Variants in PRKAR2A observed in about 807,000 individuals in gnomAD.
PRKAR2A encodes the protein protein kinase cAMP-dependent type II regulatory subunit alpha.
PRKAR2A carries 29 observed loss-of-function variants against 51.9 expected under a neutral mutation model. The observed-to-expected ratio is 0.56, with a 90% CI of 0.42 to 0.76. The LOEUF (loss-of-function observed/expected upper bound fraction) is 0.76, where lower values mean the gene tolerates loss of function less well. PRKAR2A is among the 30% of genes least tolerant of loss of function. The pLI, the probability that PRKAR2A is intolerant of heterozygous loss-of-function variation, is 0.00. For synonymous variants in PRKAR2A, 178 were observed against 186.2 expected (o/e 0.96, Z 0.36); for missense variants, 445 against 512.1 (o/e 0.87, Z 1.26).
At chr3:48,759,447 C>T (rs761235243) in intron 8 of PRKAR2A, among the ~76,000 whole-genome samples, 1 of 149,008 alleles carries the variant, frequency 6.7e-6, no homozygotes, top group Non-Finnish European at 1.5e-5. Flanking sequence ...AGCGCAATGG[C>T]GCGATCTTGG....
At chr3:48,809,248 G>T (rs1299417944) in intron 1 of PRKAR2A, among the ~76,000 whole-genome samples, 1 of 152,068 alleles carries the variant, frequency 6.6e-6, no homozygotes, top group African/African-American at 2.4e-5. Context: ...TTAGATGTGT[G>T]GCTTATGAAC....
rs2081604669 is a variant in PRKAR2A at position 48,748,965 on chromosome 3, G to T, written c.*2620C>A. ...CTTCCTGGAGCTTAAGAAGAAAAGA[G>T]GAATTACCAAGGTTGTGGTGGGTTA... On this transcript the variant is annotated 3_prime_UTR_variant, in exon 11 of 11. Coordinates refer to ENST00000265563, the MANE Select transcript of PRKAR2A (RefSeq NM_004157.4). 1 of 152,242 alleles carries T rather than the reference G, an allele frequency of 6.6e-6. No individual in the cohort carries two copies. The highest frequency in any genetic ancestry group is 2.1e-4 in the South Asian group (1 of 4,830). 9.4% of individuals were successfully genotyped at this position (152,242 alleles called of 1,614,324 possible). A position where few individuals can be genotyped will look rare whatever the true frequency, so the allele number is the denominator to read the frequency against.
Position 48,847,266 on chromosome 3 carries a change from C to A in PRKAR2A, c.262+69G>T. 1 of 1,539,872 alleles carries A rather than the reference C, an allele frequency of 6.5e-7. No individual in the cohort carries two copies. On this transcript the variant is annotated intron_variant, in intron 1 of 10. Transcript: ENST00000265563. The surrounding 1 kb of genome is among the most constrained non-coding windows in gnomAD (Gnocchi z 4.4). Reference sequence around the variant, plus strand: ...GGCTTGGCTGCGGCGCGACACCTGGCTCCCTGCCACCCCTCTAGACCTCTG... The same window carrying A: ...GGCTTGGCTGCGGCGCGACACCTGGATCCCTGCCACCCCTCTAGACCTCTG...
chr3:48,804,304 T>C (rs1057496567), intron 2 of PRKAR2A, among the ~76,000 whole-genome samples: 1 of 151,794 alleles, frequency 6.6e-6, no homozygotes, highest in Non-Finnish European at 1.5e-5. Flanking sequence ...CCACTAAAAA[T>C]ACAAAAATTA....
intron 8 of PRKAR2A, among the ~76,000 whole-genome samples, chr3:48,764,634 G>GT (rs1343167352): frequency 8.0e-5 from 12 of 150,758 alleles, no homozygotes; most frequent in South Asian, 2.1e-4. Flanking sequence ...AGGTTTTTTG[G>GT]TTTTTTTTTG....
chr3:48,817,612 G>A (rs567235325), intron 1 of PRKAR2A, among the ~76,000 whole-genome samples: 21 of 150,690 alleles, frequency 1.4e-4, no homozygotes, highest in Non-Finnish European at 2.2e-4. Flanking sequence ...GCACCATTGC[G>A]CTCCAGCCTG....
intron 1 of PRKAR2A, among the ~76,000 whole-genome samples, chr3:48,833,862 C>T (rs1233306444): frequency 6.6e-6 from 1 of 151,436 alleles, no homozygotes; most frequent in Non-Finnish European, 1.5e-5. Context: ...ATGGTGAAAC[C>T]CCTTCTCTAC....
At chr3:48,841,371 C>A (rs2083378719) in intron 1 of PRKAR2A, among the ~76,000 whole-genome samples, 1 of 150,980 alleles carries the variant, frequency 6.6e-6, no homozygotes, top group South Asian at 2.1e-4. Context: ...TGGTGAAACA[C>A]CATCTCTACT....
In PRKAR2A at chr3:48,825,090, A is replaced by G. The variant is rs926230980; in HGVS notation, c.263-17406T>C. Among the ~76,000 whole-genome samples the G allele has an allele frequency of 2.3e-4, 30 of 128,346 alleles. 1 individual carries two copies. Among genetic ancestry groups the G allele is most frequent in the Non-Finnish European group, 6.3e-5 (4 of 63,984 alleles). 84.2% of individuals were successfully genotyped at this position (128,346 alleles called of 152,430 possible). ...ACTCTTGTTGCCCAGGCTGGAGTGC[A>G]ATGGCGCAATCTCGGCTCACCGTAA... On this transcript the variant is annotated intron_variant, in intron 1 of 10. Transcript: ENST00000265563.
At chr3:48,844,318 A>G (rs943059381) in intron 1 of PRKAR2A, among the ~76,000 whole-genome samples, 1 of 151,770 alleles carries the variant, frequency 6.6e-6, no homozygotes, top group African/African-American at 2.4e-5. Flanking sequence ...AATGGCAATC[A>G]TTAAAAAGTC....
intron 1 of PRKAR2A, among the ~76,000 whole-genome samples, chr3:48,813,769 T>C (rs1436134611): frequency 6.6e-6 from 1 of 152,088 alleles, no homozygotes; most frequent in Non-Finnish European, 1.5e-5. Flanking sequence ...AAATTTTATA[T>C]AATTTAGGTA....
intron 2 of PRKAR2A, among the ~76,000 whole-genome samples, chr3:48,795,826 C>T (rs906251346): frequency 3.9e-5 from 6 of 152,108 alleles, no homozygotes; most frequent in South Asian, 4.1e-4. Flanking sequence ...TGTGCCACCG[C>T]GCCTGACCTG....
At chr3:48,829,625 T>C (rs1289315215) in intron 1 of PRKAR2A, among the ~76,000 whole-genome samples, 1 of 139,446 alleles carries the variant, frequency 7.2e-6, no homozygotes, top group Non-Finnish European at 1.6e-5. Flanking sequence ...TGTATACGTG[T>C]GTATACACAC....
At chr3:48,759,970 C>G (rs2081838877) in intron 8 of PRKAR2A, among the ~76,000 whole-genome samples, 1 of 152,164 alleles carries the variant, frequency 6.6e-6, no homozygotes, top group South Asian at 2.1e-4. Context: ...TTTTGTAAAA[C>G]TAAAGCCACC....
chr3:48,773,447 C>A (rs1349049817), intron 5 of PRKAR2A, among the ~76,000 whole-genome samples: 3 of 149,892 alleles, frequency 2.0e-5, no homozygotes, highest in Non-Finnish European at 4.4e-5. Context: ...GGGCTCACGC[C>A]ATTCTCCTGC....
chr3:48,823,252 A>T (rs1319460420), intron 1 of PRKAR2A, among the ~76,000 whole-genome samples: 2 of 152,018 alleles, frequency 1.3e-5, no homozygotes, highest in Non-Finnish European at 2.9e-5. Context: ...TATTCTAAAG[A>T]TAAGAACTCA....
chr3:48,814,594 T>TGATTTTAAACATTCTGTA (rs1454962076), intron 1 of PRKAR2A, among the ~76,000 whole-genome samples: 2 of 152,248 alleles, frequency 1.3e-5, no homozygotes, highest in African/African-American at 4.8e-5. Flanking sequence ...GCCATTTTGC[T>TGATTTTAAACATTCTGTA]GATTTTAAAC....
At chr3:48,765,484 CTT>C (rs1294697144) in intron 6 of PRKAR2A, 135 bp from the exon 7 acceptor site, 4 of 651,432 alleles carry the variant, frequency 6.1e-6, no homozygotes, top group Non-Finnish European at 1.0e-5. Context: ...ATACTTCAAT[CTT>C]GAGTCATCAC....
chr3:48,768,370 GACAC>G (rs528135300), intron 6 of PRKAR2A, among the ~76,000 whole-genome samples: 8 of 151,104 alleles, frequency 5.3e-5, no homozygotes, highest in African/African-American at 1.7e-4. Flanking sequence ...CAGACAGACA[GACAC>G]ACACACACAC....
Sources: gnomAD v4.1 joint callset for allele counts (sites outside exome capture counted in the v4.1 genomes callset) on GRCh38, gnomAD v4.1.1 for gene constraint, Gnocchi (gnomAD v3.1) non-coding constraint, MANE v1.5 for transcripts, NCBI Gene and HGNC (gene_info 2026-07-23, HGNC 2026-07-21) for gene names.